TRPM7: variants seen among roughly 807,000 people sequenced by gnomAD.
TRPM7 encodes the protein LTRPC ion channel family member 7.
TRPM7 carries 134 observed loss-of-function variants against 229.7 expected under a neutral mutation model. The observed-to-expected ratio is 0.58, with a 90% confidence interval of 0.51 to 0.67. The LOEUF (loss-of-function observed/expected upper bound fraction) is 0.67. Among genes scored for constraint, TRPM7 ranks in the 30% least tolerant of loss-of-function variants. TRPM7 has a pLI of 0.00. For missense variants in TRPM7, 1,901 were observed against 2,210.0 expected (o/e 0.86, Z 2.80); for synonymous variants, 699 against 715.2 (o/e 0.98, Z 0.36).
intron 5 of TRPM7, among the ~76,000 whole-genome samples, chr15:50,642,819 C>T (rs1456168364): frequency 1.3e-5 from 2 of 151,834 alleles, no homozygotes; most frequent in African/African-American, 4.8e-5. Flanking sequence ...GGATTTGGCA[C>T]ACAGGCTATA....
chr15:50,674,906 A>G (rs2062061761), intron 1 of TRPM7, among the ~76,000 whole-genome samples: 2 of 152,180 alleles, frequency 1.3e-5, no homozygotes, highest in African/African-American at 4.8e-5. Flanking sequence ...GCTGGAAACC[A>G]GAGTTGTTTC....
intron 28 of TRPM7, among the ~76,000 whole-genome samples, chr15:50,585,309 T>A (rs3109893): frequency 0.18 from 27,700 of 152,108 alleles, 3,257 homozygotes; most frequent in East Asian, 0.47. Flanking sequence ...GTGATCCACC[T>A]GCCTCGGCCT....
In TRPM7 at chr15:50,575,728, T is replaced by C. The variant is rs751338371; in HGVS notation, c.4731A>G (p.Pro1577=). 16 of 1,610,944 alleles carry C rather than the reference T, an allele frequency of 9.9e-6. No homozygotes were observed. Among genetic ancestry groups the C allele is most frequent in the Non-Finnish European group, 1.3e-5 (15 of 1,179,032 alleles). Residue 1577 remains proline, a synonymous_variant, in exon 33 of 39, where the codon CCA becomes CCG. Transcript: ENST00000646667. ...SQSIPFTPVP[P]RGEPVTVYRL... ...TTCTTTAATTTTTGGATTTACCTCTTGGAGGCACAGGTGTAAATGGAATGC... is the reference window on the plus strand; with the variant it reads ...TTCTTTAATTTTTGGATTTACCTCTCGGAGGCACAGGTGTAAATGGAATGC...
chr15:50,624,839 TC>T (rs1371639976), intron 11 of TRPM7, among the ~76,000 whole-genome samples: 5 of 152,192 alleles, frequency 3.3e-5, no homozygotes, highest in Non-Finnish European at 7.3e-5. Context: ...ACAAAGTATT[TC>T]ATCATAGTTT....
intron 1 of TRPM7, among the ~76,000 whole-genome samples, chr15:50,678,256 AAC>A (rs1827034538): frequency 1.1e-4 from 15 of 133,704 alleles, no homozygotes; most frequent in African/African-American, 1.8e-4. Flanking sequence ...AAAAAACAAA[AAC>A]AAAAACAAAA....
intron 1 of TRPM7, among the ~76,000 whole-genome samples, chr15:50,663,257 T>G (rs1265236664): frequency 6.6e-6 from 1 of 152,026 alleles, no homozygotes. Context: ...GCCTCCCGGG[T>G]AGCTGGCAGT....
chr15:50,611,347 T>C (rs774779802), intron 16 of TRPM7, 26 bp from the exon 17 acceptor site: 4 of 1,574,944 alleles, frequency 2.5e-6, no homozygotes, highest in Admixed American at 3.5e-5. Flanking sequence ...AGCCAAAATA[T>C]ACTCAGATTA....
chr15:50,619,874 C>A lies in TRPM7; in HGVS notation c.1441-76G>T, dbSNP rs1014923330. On this transcript the variant is annotated intron_variant, in intron 12 of 38. Coordinates refer to ENST00000646667, the MANE Select transcript of TRPM7 (RefSeq NM_017672.6). ...TTAAACCTTACAGGATTTTTATGAA[C>A]CTTCTTATACAAATTACATTGTTTT... 5 of 1,195,870 alleles carry A rather than the reference C, an allele frequency of 4.2e-6. No homozygotes were observed. In the African/African-American group the frequency reaches 6.2e-5, roughly 15 times the overall value. 74.1% of individuals were successfully genotyped at this position (1,195,870 alleles called of 1,614,324 possible). A position where few individuals can be genotyped will look rare whatever the true frequency, so the allele number is the denominator to read the frequency against.
rs369041276 is a variant in TRPM7, at chr15:50,574,679, G to C, written c.5060C>G (p.Ala1687Gly). The C allele has an allele frequency of 5.0e-6, 8 of 1,613,790 alleles. No individual in the cohort carries two copies. Among genetic ancestry groups the C allele is most frequent in the Non-Finnish European group, 6.8e-6 (8 of 1,179,910 alleles). Residue 1687 changes from alanine (A) to glycine (G), a missense_variant, in exon 35 of 39, where the codon GCC (alanine) becomes GGC (glycine). This residue lies in a region of TRPM7 where 257 missense variants were observed against 352.0 expected (regional missense o/e 0.73). Coordinates refer to ENST00000646667, the MANE Select transcript of TRPM7 (RefSeq NM_017672.6). Reference protein sequence around the residue: ...QQRAAQKLTFAFNQMKPKSIP... With the variant: ...QQRAAQKLTFGFNQMKPKSIP... ...GGATTTGGGTTTCATTTGATTAAAG[G>C]CAAACGTAAGCTTTTGTGCTGCTCT... is the stretch of plus-strand genomic sequence containing the variant.
At chr15:50,670,179 AC>A (rs1236727337) in intron 1 of TRPM7, among the ~76,000 whole-genome samples, 1 of 152,170 alleles carries the variant, frequency 6.6e-6, no homozygotes, top group African/African-American at 2.4e-5. Flanking sequence ...AGAAGAGGTT[AC>A]AAAAGGTGTA....
At chr15:50,578,422 A>T (rs1334747182) in intron 31 of TRPM7, 2 of 386,110 alleles carry the variant, frequency 5.2e-6, no homozygotes, top group African/African-American at 4.1e-5. Flanking sequence ...AGCAGGGAGG[A>T]AGTGTGACAG....
At chr15:50,675,856 A>C (rs1238874011) in intron 1 of TRPM7, among the ~76,000 whole-genome samples, 1 of 152,206 alleles carries the variant, frequency 6.6e-6, no homozygotes, top group Non-Finnish European at 1.5e-5. Context: ...GGTGATCTTC[A>C]GTGGTTAAAT....
At chr15:50,662,841 T>C (rs1013708816) in intron 2 of TRPM7, 126 bp downstream of exon 2, 2 of 739,570 alleles carry the variant, frequency 2.7e-6, no homozygotes, top group South Asian at 3.3e-5. Context: ...TGATTAACAG[T>C]AATTATAAAA....
At chr15:50,582,819 C>T (rs1026483910) in intron 29 of TRPM7, among the ~76,000 whole-genome samples, 4 of 152,096 alleles carry the variant, frequency 2.6e-5, no homozygotes, top group Non-Finnish European at 5.9e-5. Flanking sequence ...CAATCATTAT[C>T]GCAGTTAGCT....
At chr15:50,583,289 GA>G (rs775668810) in intron 28 of TRPM7, 130 bp from the exon 29 acceptor site, 5 of 500,918 alleles carry the variant, frequency 1.0e-5, no homozygotes, top group Non-Finnish European at 1.7e-5. Context: ...TCAACACGCT[GA>G]ACACAAGAGT....
chr15:50,595,787 C>T (rs900531162), intron 23 of TRPM7, among the ~76,000 whole-genome samples: 2 of 152,078 alleles, frequency 1.3e-5, no homozygotes, highest in Admixed American at 1.3e-4. Flanking sequence ...TCCCTTGAAC[C>T]CTGAAAACTA....
intron 38 of TRPM7, among the ~76,000 whole-genome samples, 191 bp downstream of exon 38, chr15:50,569,696 A>T (rs1410053469): frequency 6.6e-6 from 1 of 152,242 alleles, no homozygotes; most frequent in Non-Finnish European, 1.5e-5. Context: ...TAAATTAATG[A>T]ACTTTGTATA....
intron 22 of TRPM7, among the ~76,000 whole-genome samples, chr15:50,597,522 T>C (rs1439535440): frequency 6.6e-6 from 1 of 152,210 alleles, no homozygotes; most frequent in Non-Finnish European, 1.5e-5. Context: ...CAGATTAGTT[T>C]GCGGAAGCAA....
rs558960125 is a variant in TRPM7 at position 50,607,128 on chromosome 15, CCAAAA to C, written c.2709+67_2709+71del. 1.2e-4 allele frequency: 167 copies of C among 1,449,930 alleles called. 1 individual carries two copies. The African/African-American group carries it at 1.6e-3, about 14-fold the overall frequency. 89.8% of individuals were successfully genotyped at this position (1,449,930 alleles called of 1,614,324 possible). On this transcript the variant is annotated intron_variant, in intron 20 of 38. Transcript: ENST00000646667. Reference sequence around the variant, plus strand: ...CACACACACCCCCCTACGTATACACCCAAAACAAAACAAAACAGAAAATCTTCCAT... The same window carrying C: ...CACACACACCCCCCTACGTATACACCCAAAACAAAACAGAAAATCTTCCAT...
Sources: allele counts gnomAD v4.1 joint callset (sites outside exome capture counted in the v4.1 genomes callset), GRCh38; gene constraint gnomAD v4.1.1; regional missense constraint gnomAD v4.1.1; transcripts MANE v1.5; gene names NCBI Gene and HGNC (gene_info 2026-07-23, HGNC 2026-07-21).